SMCO2: variants seen among roughly 807,000 people sequenced by gnomAD.
SMCO2 encodes the protein single-pass membrane protein with coiled-coil domains 2, also known as single-pass membrane and coiled-coil domain-containing protein 2.
Under a neutral mutation model 29.5 loss-of-function variants are expected in SMCO2, and 25 were observed. The observed-to-expected ratio is 0.85, with a 90% CI of 0.62 to 1.18. The LOEUF is 1.18. Among genes scored for constraint, SMCO2 ranks in the 50% most tolerant of loss-of-function variants. The pLI is 0.00. For synonymous variants in SMCO2, 117 were observed against 123.3 expected, an observed-to-expected ratio of 0.95 and a Z score of 0.34; for missense variants, 348 against 344.5, an observed-to-expected ratio of 1.01 and a Z score of -0.08.
chr12:27,493,821 A>G (rs1467993973), intron 5 of SMCO2: 1 of 152,392 alleles, frequency 6.6e-6, no homozygotes, highest in Non-Finnish European at 1.5e-5. Flanking sequence ...AGACATGGGA[A>G]GAGAAGAAGA....
the SMCO2 span, among the ~76,000 whole-genome samples, chr12:27,441,491 G>C: frequency 1.3e-5 from 2 of 152,098 alleles, no homozygotes; most frequent in Admixed American, 6.5e-5. Flanking sequence ...GATAAGGATG[G>C]TCACTATATA....
the SMCO2 span, among the ~76,000 whole-genome samples, chr12:27,434,942 C>G: frequency 6.6e-6 from 1 of 152,226 alleles, no homozygotes; most frequent in African/African-American, 2.4e-5. Flanking sequence ...CACTCACAAC[C>G]ACCACCTTCC....
the SMCO2 span, among the ~76,000 whole-genome samples, chr12:27,427,753 C>A: frequency 6.6e-6 from 1 of 152,100 alleles, no homozygotes; most frequent in African/African-American, 2.4e-5. Flanking sequence ...ACAGCGGGCT[C>A]TTCTTGCCTG....
chr12:27,457,817 T>C, the SMCO2 span, among the ~76,000 whole-genome samples: 4 of 152,238 alleles, frequency 2.6e-5, no homozygotes, highest in East Asian at 5.8e-4. Context: ...TAACCAGTAC[T>C]TCTGGTTAAA....
chr12:27,484,937 T>C (rs1156854035), intron 4 of SMCO2, among the ~76,000 whole-genome samples: 1 of 149,994 alleles, frequency 6.7e-6, no homozygotes, highest in Non-Finnish European at 1.5e-5. Flanking sequence ...TGTAGTTTTC[T>C]TAATTTTTCT....
intron 4 of SMCO2, among the ~76,000 whole-genome samples, chr12:27,482,708 A>G (rs1949655777): frequency 6.6e-6 from 1 of 152,198 alleles, no homozygotes; most frequent in Non-Finnish European, 1.5e-5. Flanking sequence ...CCAAAGAACA[A>G]ATTTTATGTT....
At chr12:27,439,431 C>T in the SMCO2 span, among the ~76,000 whole-genome samples, 2 of 152,108 alleles carry the variant, frequency 1.3e-5, no homozygotes, top group East Asian at 1.9e-4. Flanking sequence ...AATGCAAAGA[C>T]GTAGACATAT....
the SMCO2 span, among the ~76,000 whole-genome samples, chr12:27,441,564 C>A: frequency 2.6e-4 from 40 of 152,178 alleles, no homozygotes; most frequent in African/African-American, 9.6e-4. Flanking sequence ...CACCTAACAC[C>A]AGAGCTCCCA....
intron 7 of SMCO2, among the ~76,000 whole-genome samples, chr12:27,501,415 C>CAAAAAAAAAAAAAAAAAAAAAAAA (rs540673188): frequency 2.3e-5 from 2 of 85,870 alleles, no homozygotes; most frequent in African/African-American, 4.8e-5. Context: ...GACTCCGTCT[C>CAAAAAAAAAAAAAAAAAAAAAAAA]AAAAAAAAAA....
chr12:27,480,855 A>C (rs1440563479), intron 4 of SMCO2, among the ~76,000 whole-genome samples: 1 of 152,146 alleles, frequency 6.6e-6, no homozygotes, highest in Non-Finnish European at 1.5e-5. Context: ...CATAGGCCAA[A>C]ATATACCTCT....
intron 1 of SMCO2, among the ~76,000 whole-genome samples, chr12:27,467,961 G>T (rs142216233): frequency 6.6e-6 from 1 of 152,276 alleles, no homozygotes; most frequent in East Asian, 1.9e-4. Context: ...GTTACTAATT[G>T]CTCCCATTTC....
At chr12:27,471,018 G>T (rs543229874) in intron 2 of SMCO2, among the ~76,000 whole-genome samples, 1 of 152,116 alleles carries the variant, frequency 6.6e-6, no homozygotes, top group South Asian at 2.1e-4. Context: ...GGGAAAATAT[G>T]TGGATTGTTT....
chr12:27,462,584 G>C (rs1442731735), upstream of SMCO2, among the ~76,000 whole-genome samples: 1 of 152,150 alleles, frequency 6.6e-6, no homozygotes, highest in Non-Finnish European at 1.5e-5. Context: ...CCTACAGTAA[G>C]CTGCAAGGTA....
At chr12:27,485,617 T>G (rs2135563653) in intron 4 of SMCO2, among the ~76,000 whole-genome samples, 1 of 151,988 alleles carries the variant, frequency 6.6e-6, no homozygotes, top group Non-Finnish European at 1.5e-5. Flanking sequence ...TTAATTTTTT[T>G]AGTATTTTTA....
upstream of SMCO2, among the ~76,000 whole-genome samples, chr12:27,464,990 C>G (rs1367840613): frequency 7.3e-6 from 1 of 136,948 alleles, no homozygotes; most frequent in Non-Finnish European, 1.5e-5. Flanking sequence ...GATCGTACCA[C>G]TGCACTCCAG....
exon 7 of SMCO2, chr12:27,495,771 T>A (rs1182229776): frequency 1.3e-6 from 2 of 1,541,074 alleles, no homozygotes; most frequent in Admixed American, 3.9e-5. Context: ...TCTGAGGAAA[T>A]AGATACGGAA....
chr12:27,479,981 G>A (rs1187516546), intron 4 of SMCO2, among the ~76,000 whole-genome samples: 4 of 152,162 alleles, frequency 2.6e-5, no homozygotes. Context: ...CCAGTAGCAT[G>A]GCTCAGTCCA....
intron 4 of SMCO2, among the ~76,000 whole-genome samples, chr12:27,482,418 A>G (rs1949652791): frequency 6.6e-6 from 1 of 152,152 alleles, no homozygotes; most frequent in Non-Finnish European, 1.5e-5. Context: ...TCTCCTGCTC[A>G]GCCTCTCGAG....
chr12:27,429,065 G>A, the SMCO2 span, among the ~76,000 whole-genome samples: 3 of 152,074 alleles, frequency 2.0e-5, no homozygotes, highest in Non-Finnish European at 4.4e-5. Flanking sequence ...CACAGTTGTA[G>A]TGTCTGAAAT....
Sources: allele counts gnomAD v4.1 joint callset (sites outside exome capture counted in the v4.1 genomes callset), GRCh38; gene constraint gnomAD v4.1.1; transcripts MANE v1.5; gene names NCBI Gene and HGNC (gene_info 2026-07-23, HGNC 2026-07-21).